The following ROR1 variants were observed in gnomAD, a reference collection of about 807,000 sequenced individuals.
ROR1 encodes the protein ROR family WNT receptor 1.
A neutral mutation model predicts 78.8 loss-of-function variants in ROR1; 19 were observed. That is an observed-to-expected ratio of 0.24 (90% confidence interval 0.17 to 0.35). The LOEUF (loss-of-function observed/expected upper bound fraction) is 0.35, where lower values mean the gene tolerates loss of function less well. ROR1 is among the 10% of genes least tolerant of loss of function. ROR1 has a pLI of 1.00. For missense variants in ROR1, 917 were observed against 1,177.8 expected (o/e 0.78, Z 3.24); for synonymous variants, 386 against 433.6 (o/e 0.89, Z 1.36).
chr1:63,822,112 C>T (rs1224566819), intron 1 of ROR1, among the ~76,000 whole-genome samples: 2 of 152,172 alleles, frequency 1.3e-5, no homozygotes, highest in Non-Finnish European at 2.9e-5. Context: ...GACTGTCCCA[C>T]GTGCCCAGCA....
intron 1 of ROR1, among the ~76,000 whole-genome samples, chr1:63,893,845 A>G (rs950189714): frequency 6.6e-6 from 1 of 152,186 alleles, no homozygotes; most frequent in Admixed American, 6.5e-5. Context: ...CAAATTCTAT[A>G]TATACTAAAC....
intron 1 of ROR1, among the ~76,000 whole-genome samples, chr1:63,929,172 A>G (rs1645731905): frequency 6.6e-6 from 1 of 152,068 alleles, no homozygotes; most frequent in Admixed American, 6.6e-5. Flanking sequence ...GTTTAATATA[A>G]TGTTTGCTTC....
At chr1:64,021,612 A>G (rs1415558418) in intron 2 of ROR1, among the ~76,000 whole-genome samples, 1 of 152,248 alleles carries the variant, frequency 6.6e-6, no homozygotes, top group African/African-American at 2.4e-5. Flanking sequence ...TGGCAGAGCC[A>G]GAATTCAAAT....
At chr1:64,004,558 C>T (rs542557727) in intron 1 of ROR1, among the ~76,000 whole-genome samples, 1 of 152,356 alleles carries the variant, frequency 6.6e-6, no homozygotes, top group East Asian at 1.9e-4. Context: ...AGCTACTGGG[C>T]TGGCCGCTGG....
At chr1:64,069,243 C>T (rs1168660563) in intron 4 of ROR1, among the ~76,000 whole-genome samples, 3 of 151,820 alleles carry the variant, frequency 2.0e-5, no homozygotes, top group African/African-American at 7.3e-5. Context: ...ACTTTATTAT[C>T]TTTAAAATTC....
chr1:64,171,332 C>T (rs1650234489), intron 8 of ROR1: 1 of 153,022 alleles, frequency 6.5e-6, no homozygotes. Context: ...CTTATAGAAC[C>T]ATCAGATCTC....
chr1:64,062,115 G>T (rs1276256528), intron 4 of ROR1, among the ~76,000 whole-genome samples: 1 of 152,120 alleles, frequency 6.6e-6, no homozygotes, highest in Non-Finnish European at 1.5e-5. Flanking sequence ...TCCTTTTGCT[G>T]GTCAGTAGCA....
chr1:63,789,697 G>A (rs75422974), intron 1 of ROR1, among the ~76,000 whole-genome samples: 4,086 of 56,216 alleles, frequency 0.073, 165 homozygotes, highest in African/African-American at 0.21. Context: ...TTTTTTTTTT[G>A]TCTTTAAACA....
Position 64,063,298 on chromosome 1 carries a change from G to T in ROR1, c.482+12582G>T, listed in dbSNP as rs113025030. Among the ~76,000 whole-genome samples the T allele has an allele frequency of 8.0e-3, 1,220 of 152,290 alleles. 6 individuals carry two copies. The highest frequency in any genetic ancestry group is 0.015 in the Non-Finnish European group (1,003 of 68,028). ...CTGTGGTATGAATGTTTTCTTCTTCGTGGTTTAGGGAGGAGATCTTTCTCA... is the reference window on the plus strand; with the variant it reads ...CTGTGGTATGAATGTTTTCTTCTTCTTGGTTTAGGGAGGAGATCTTTCTCA... On this transcript the variant is annotated intron_variant, in intron 4 of 8. Coordinates refer to ENST00000371079, the MANE Select transcript of ROR1 (RefSeq NM_005012.4).
At chr1:64,115,255 G>A (rs1233938105) in intron 4 of ROR1, among the ~76,000 whole-genome samples, 1 of 150,924 alleles carries the variant, frequency 6.6e-6, no homozygotes, top group Non-Finnish European at 1.5e-5. Context: ...TTGCTCTGTT[G>A]CCCAGGATGG....
At chr1:64,022,767 C>G (rs774634186) in intron 2 of ROR1, among the ~76,000 whole-genome samples, 1 of 152,032 alleles carries the variant, frequency 6.6e-6, no homozygotes, top group Non-Finnish European at 1.5e-5. Flanking sequence ...CATCAAGAAA[C>G]AGTAGGTGAT....
chr1:64,153,322 C>T (rs1364016724), intron 7 of ROR1, among the ~76,000 whole-genome samples: 1 of 152,134 alleles, frequency 6.6e-6, no homozygotes, highest in Non-Finnish European at 1.5e-5. Flanking sequence ...AATGGTGCAG[C>T]TGCTATGGAA....
intron 1 of ROR1, among the ~76,000 whole-genome samples, chr1:63,997,834 T>C (rs1399692219): frequency 4.1e-5 from 3 of 72,754 alleles, no homozygotes; most frequent in Non-Finnish European, 1.1e-4. Flanking sequence ...GATTAGTGTT[T>C]TTTTTTTTTA....
chr1:64,151,739 C>A (rs1179593481), intron 7 of ROR1, among the ~76,000 whole-genome samples: 1 of 149,598 alleles, frequency 6.7e-6, no homozygotes, highest in Non-Finnish European at 1.5e-5. Context: ...AAAAAATTAG[C>A]CGGGTGTGGT....
intron 1 of ROR1, among the ~76,000 whole-genome samples, chr1:63,950,456 C>A (rs369875201): frequency 6.6e-6 from 1 of 152,184 alleles, no homozygotes; most frequent in African/African-American, 2.4e-5. Flanking sequence ...TTATAATTCA[C>A]ATATAATGAC....
intron 2 of ROR1, among the ~76,000 whole-genome samples, chr1:64,037,157 C>A (rs1276779745): frequency 1.3e-5 from 2 of 152,100 alleles, no homozygotes; most frequent in African/African-American, 4.8e-5. Flanking sequence ...AGAGGTCCTG[C>A]CACATGCAAG....
At chr1:63,909,204 G>C (rs1645550320) in intron 1 of ROR1, among the ~76,000 whole-genome samples, 2 of 151,618 alleles carry the variant, frequency 1.3e-5, no homozygotes, top group African/African-American at 4.8e-5. Flanking sequence ...CCCCGATAAA[G>C]CTTGAGCACG....
At chr1:63,991,526 C>T (rs1369916037) in intron 1 of ROR1, among the ~76,000 whole-genome samples, 1 of 152,098 alleles carries the variant, frequency 6.6e-6, no homozygotes, top group Non-Finnish European at 1.5e-5. Context: ...GGTGAGACCC[C>T]AACAAAGGCA....
At chr1:64,033,635 G>A (rs1185649524) in intron 2 of ROR1, among the ~76,000 whole-genome samples, 2 of 152,118 alleles carry the variant, frequency 1.3e-5, no homozygotes, top group Non-Finnish European at 2.9e-5. Context: ...ATTAATGGAG[G>A]TTTTACTATA....
Sources: gnomAD v4.1 joint callset for allele counts (sites outside exome capture counted in the v4.1 genomes callset) on GRCh38, gnomAD v4.1.1 for gene constraint, MANE v1.5 for transcripts, NCBI Gene and HGNC (gene_info 2026-07-23, HGNC 2026-07-21) for gene names.